POM121C: variants seen among roughly 807,000 people sequenced by gnomAD.
POM121C encodes POM121 transmembrane nucleoporin C.
A neutral mutation model predicts 66.4 loss-of-function variants in POM121C; 20 were observed. The observed-to-expected ratio is 0.30, with a 90% CI of 0.21 to 0.44. The LOEUF (loss-of-function observed/expected upper bound fraction) is 0.44, where lower values mean the gene tolerates loss of function less well. POM121C is among the 20% of genes least tolerant of loss of function. The pLI is 1.00. For missense variants in POM121C, 580 were observed against 1,225.7 expected (o/e 0.47, Z 7.87); for synonymous variants, 286 against 528.0 (o/e 0.54, Z 6.28).
rs782185765 is a variant in POM121C, at chr7:75,442,682, C to T, written c.-151-1035G>A. ...CCTGACACTCGCTATCGGCCGCCGC[C>T]GCTCGCCTGCTCCAGCCGCCGCAGC... On this transcript the variant is annotated intron_variant, in intron 3 of 14. Transcript: ENST00000615331. The T allele has an allele frequency of 4.2e-5, 60 of 1,428,372 alleles. No individual in the cohort carries two copies. In the South Asian group the frequency reaches 8.0e-4, roughly 19 times the overall value. 88.5% of individuals were successfully genotyped at this position (1,428,372 alleles called of 1,614,324 possible).
intron 7 of POM121C, among the ~76,000 whole-genome samples, chr7:75,432,596 T>G (rs2116373648): frequency 6.6e-6 from 1 of 152,348 alleles, no homozygotes; most frequent in East Asian, 1.9e-4. Context: ...GTTTTATTAC[T>G]TGACCTGAGT....
intron 1 of POM121C, among the ~76,000 whole-genome samples, chr7:75,476,109 T>C (rs1231975172): frequency 3.3e-5 from 5 of 152,094 alleles, no homozygotes; most frequent in East Asian, 1.9e-4. Flanking sequence ...GTAAGAACCT[T>C]ATCTCTGCTA....
In POM121C at chr7:75,466,688, C is replaced by T. The variant is rs181430891; in HGVS notation, c.-152+8016G>A. On this transcript the variant is annotated intron_variant, in intron 3 of 14. Coordinates refer to ENST00000615331, the MANE Select transcript of POM121C (RefSeq NM_001099415.3). ...GAAACATTTAAAAAATCAATTAAACCAAATGTTGGCTCTTCGAAAAGATCA... is the reference window on the plus strand; with the variant it reads ...GAAACATTTAAAAAATCAATTAAACTAAATGTTGGCTCTTCGAAAAGATCA... 5.3e-4 allele frequency among the ~76,000 whole-genome samples: 79 copies of T among 149,624 alleles called. 3 individuals are homozygous for T. The East Asian group carries it at 0.014, about 27-fold the overall frequency.
In POM121C at chr7:75,421,498, C is replaced by A; in HGVS notation, c.2743+11G>T. ...TCCGGCCCGGTAGCCCAAGTCCACG[C>A]CCCTCCTTACCTCCAAACACAGGTT... On this transcript the variant is annotated intron_variant, in intron 13 of 14. Transcript: ENST00000615331. 1.2e-6 allele frequency: 2 copies of A among 1,611,154 alleles called. No individual in the cohort carries two copies. Among genetic ancestry groups the A allele is most frequent in the African/African-American group, 2.7e-5 (2 of 74,674 alleles).
rs781963167 is a variant in POM121C, at chr7:75,425,096, C to T, written c.746G>A (p.Arg249Gln). Residue 249 changes from arginine to glutamine, a missense_variant, in exon 10 of 15, where the codon CGG (arginine) becomes CAG (glutamine). Transcript: ENST00000615331. ...RKRKVQLLPS[R>Q]RGEQLTLPPP... ...TACCAAGGTCAGCTGTTCCCCTCGCCGAGAAGGCAGCAGCTGAACTTTCCG... is the reference window on the plus strand; with the variant it reads ...TACCAAGGTCAGCTGTTCCCCTCGCTGAGAAGGCAGCAGCTGAACTTTCCG... 4.8e-6 allele frequency: 7 copies of T among 1,471,898 alleles called. No individual in the cohort carries two copies. In the East Asian group the frequency reaches 9.5e-5, roughly 20 times the overall value. 91.2% of individuals were successfully genotyped at this position (1,471,898 alleles called of 1,614,324 possible). A position where few individuals can be genotyped will look rare whatever the true frequency, so the allele number is the denominator to read the frequency against.
intron 3 of POM121C, among the ~76,000 whole-genome samples, chr7:75,443,405 T>C (rs1790734681): frequency 6.6e-6 from 1 of 152,238 alleles, no homozygotes; most frequent in Non-Finnish European, 1.5e-5. Context: ...CCCTATGAAC[T>C]GTATGGTTTG....
At chr7:75,464,552 T>C (rs1584701579) in intron 3 of POM121C, among the ~76,000 whole-genome samples, 1 of 151,120 alleles carries the variant, frequency 6.6e-6, no homozygotes, top group South Asian at 2.1e-4. Flanking sequence ...TGAGCCAAGA[T>C]TGCACCACTG....
chr7:75,473,263 A>G (rs1206482099), intron 3 of POM121C, among the ~76,000 whole-genome samples: 1 of 152,102 alleles, frequency 6.6e-6, no homozygotes, highest in Non-Finnish European at 1.5e-5. Context: ...ATACACAGGA[A>G]AAAAGGTCTT....
At chr7:75,456,070 T>C (rs1406742165) in intron 3 of POM121C, among the ~76,000 whole-genome samples, 3 of 152,146 alleles carry the variant, frequency 2.0e-5, no homozygotes, top group Non-Finnish European at 4.4e-5. Context: ...ATCTCGTCTG[T>C]ACCAAAACAA....
At chr7:75,432,508 C>T (rs1790222061) in intron 7 of POM121C, among the ~76,000 whole-genome samples, 1 of 152,036 alleles carries the variant, frequency 6.6e-6, no homozygotes, top group Admixed American at 6.6e-5. Flanking sequence ...ACAGGGTACA[C>T]TATAAAAGGT....
At chr7:75,431,730 T>C (rs1790190733) in intron 7 of POM121C, among the ~76,000 whole-genome samples, 1 of 151,680 alleles carries the variant, frequency 6.6e-6, no homozygotes, top group African/African-American at 2.4e-5. Flanking sequence ...GTGGGCAGGT[T>C]ACTTAAGGTC....
rs587684356 is a variant in POM121C at position 75,465,747 on chromosome 7, C to CA, written c.-152+8956dup. On this transcript the variant is annotated intron_variant, in intron 3 of 14. Transcript: ENST00000615331. ...CAGCCTGGGCCACAGAGCAAGACTCCATCTCAAAAAAAAAAAAAAAAATTA... is the reference window on the plus strand; with the variant it reads ...CAGCCTGGGCCACAGAGCAAGACTCCAATCTCAAAAAAAAAAAAAAAAATTA... Among the ~76,000 whole-genome samples, 79 of 137,816 alleles carry CA rather than the reference C, an allele frequency of 5.7e-4. 1 individual carries two copies. The highest frequency in any genetic ancestry group is 9.2e-4 in the South Asian group (4 of 4,342). 90.4% of individuals were successfully genotyped at this position (137,816 alleles called of 152,430 possible). A position where few individuals can be genotyped will look rare whatever the true frequency, so the allele number is the denominator to read the frequency against.
chr7:75,437,243 A>G (rs1790452601), intron 7 of POM121C, among the ~76,000 whole-genome samples: 1 of 152,210 alleles, frequency 6.6e-6, no homozygotes, highest in African/African-American at 2.4e-5. Context: ...TATTAGTTAG[A>G]GACAATCCTA....
intron 3 of POM121C, among the ~76,000 whole-genome samples, chr7:75,454,134 G>A (rs587605991): frequency 5.8e-4 from 88 of 152,320 alleles, no homozygotes; most frequent in African/African-American, 1.8e-3. Flanking sequence ...CCGACCACGC[G>A]ATGGAAGAAG....
At chr7:75,458,642 G>A (rs1373235894) in intron 3 of POM121C, among the ~76,000 whole-genome samples, 4 of 152,266 alleles carry the variant, frequency 2.6e-5, no homozygotes. Context: ...CCAGAGCCCT[G>A]CTGGCCACAG....
chr7:75,448,353 G>A (rs587675414), intron 3 of POM121C, among the ~76,000 whole-genome samples: 1 of 152,232 alleles, frequency 6.6e-6, no homozygotes, highest in East Asian at 1.9e-4. Flanking sequence ...CTACACAAAG[G>A]AATGAAAGGC....
intron 3 of POM121C, among the ~76,000 whole-genome samples, chr7:75,467,688 A>G (rs1388020403): frequency 1.3e-5 from 2 of 152,110 alleles, no homozygotes; most frequent in African/African-American, 4.8e-5. Flanking sequence ...ATTCAAATAC[A>G]CATTTATTTG....
intron 9 of POM121C, 164 bp downstream of exon 9, chr7:75,425,471 T>A: frequency 1.5e-6 from 2 of 1,340,346 alleles, no homozygotes; most frequent in East Asian, 5.0e-5. Flanking sequence ...TTCTCCCTCA[T>A]CAGACTATAA....
rs188755955 is a variant in POM121C at position 75,421,134 on chromosome 7, C to T, written c.2743+375G>A. ...GATTACAGGTGGGTACCACCATGCC[C>T]GGCTAATTTTTTGGTATTTTTAGTA... On this transcript the variant is annotated intron_variant, in intron 13 of 14. Coordinates refer to ENST00000615331, the MANE Select transcript of POM121C (RefSeq NM_001099415.3). 2.0e-3 allele frequency: 722 copies of T among 353,056 alleles called. 3 individuals are homozygous for T. The highest frequency in any genetic ancestry group is 2.7e-3 in the Non-Finnish European group (522 of 190,452). The allele number at this position is 353,056 out of a possible 1,614,324, so 21.9% of individuals were successfully genotyped here. A position where few individuals can be genotyped will look rare whatever the true frequency, so the allele number is the denominator to read the frequency against.
Sources: allele counts gnomAD v4.1 joint callset (sites outside exome capture counted in the v4.1 genomes callset), GRCh38; gene constraint gnomAD v4.1.1; transcripts MANE v1.5; gene names NCBI Gene and HGNC (gene_info 2026-07-23, HGNC 2026-07-21).